Variants in CNTNAP2 observed in about 807,000 individuals in gnomAD.
The protein encoded by CNTNAP2 is contactin associated protein 2, also known as contactin-associated protein-like 2.
Under a neutral mutation model 155.2 loss-of-function variants are expected in CNTNAP2, and 98 were observed. That is an observed-to-expected ratio of 0.63 (90% CI 0.54 to 0.75). CNTNAP2 has a LOEUF of 0.75. CNTNAP2 is among the 30% of genes least tolerant of loss of function. The pLI is 0.00. For synonymous variants in CNTNAP2, 651 were observed against 631.2 expected (o/e 1.03, Z -0.47); for missense variants, 1,727 against 1,688.1 (o/e 1.02, Z -0.40).
intron 10 of CNTNAP2, among the ~76,000 whole-genome samples, chr7:147,436,207 C>G (rs1370610376): frequency 6.6e-6 from 1 of 152,128 alleles, no homozygotes; most frequent in African/African-American, 2.4e-5. Context: ...CTTCCTAAAG[C>G]AACATCACAT....
At chr7:148,301,885 G>A (rs1797397791) in intron 21 of CNTNAP2, among the ~76,000 whole-genome samples, 2 of 152,328 alleles carry the variant, frequency 1.3e-5, no homozygotes, top group South Asian at 4.2e-4. Flanking sequence ...GGAAGAGAGT[G>A]GATGGACGAG....
At chr7:147,405,786 A>G (rs1584929514) in intron 10 of CNTNAP2, among the ~76,000 whole-genome samples, 1 of 152,336 alleles carries the variant, frequency 6.6e-6, no homozygotes, top group East Asian at 1.9e-4. Context: ...ATAAAGCCCA[A>G]GGTGAACTCA....
intron 12 of CNTNAP2, among the ~76,000 whole-genome samples, chr7:147,629,339 GTTGCAGTGAGTTGAGA>G (rs969887900): frequency 6.6e-6 from 1 of 151,626 alleles, no homozygotes; most frequent in African/African-American, 2.4e-5. Context: ...AGAGGCAGAG[GTTGCAGTGAGTTGAGA>G]TTGCACCACT....
At chr7:147,281,605 ATAAAT>A (rs754167947) in intron 8 of CNTNAP2, among the ~76,000 whole-genome samples, 15 of 151,862 alleles carry the variant, frequency 9.9e-5, no homozygotes, top group African/African-American at 2.9e-4. Context: ...TTAGCTTTTG[ATAAAT>A]TAAATAATCC....
rs560893946 is a variant in CNTNAP2, at chr7:147,527,244, C to T, written c.1778-34894C>T. ...TTCACTGTGTTAGCCAGGATGGTCTCGATCTCCTGACCTTGTGATCCGCCC... is the reference window on the plus strand; with the variant it reads ...TTCACTGTGTTAGCCAGGATGGTCTTGATCTCCTGACCTTGTGATCCGCCC... On this transcript the variant is annotated intron_variant, in intron 11 of 23. Coordinates refer to ENST00000361727, the MANE Select transcript of CNTNAP2 (RefSeq NM_014141.6). Among the ~76,000 whole-genome samples, 107 of 151,956 alleles carry T rather than the reference C, an allele frequency of 7.0e-4. 1 individual carries two copies. The highest frequency in any genetic ancestry group is 2.2e-3 in the African/African-American group (92 of 41,432).
At chr7:147,866,318 TG>T (rs1184928585) in intron 13 of CNTNAP2, among the ~76,000 whole-genome samples, 1 of 152,212 alleles carries the variant, frequency 6.6e-6, no homozygotes, top group Admixed American at 6.5e-5. Flanking sequence ...TTCTATTTGC[TG>T]AGGAGTGTTT....
chr7:146,875,161 A>T (rs2129208019), intron 3 of CNTNAP2, among the ~76,000 whole-genome samples: 1 of 152,334 alleles, frequency 6.6e-6, no homozygotes, highest in East Asian at 1.9e-4. Flanking sequence ...GCAGAAAAGG[A>T]TGATTTAATG....
At position 148,131,087 on chromosome 7, in the gene CNTNAP2, CTTTTTTT is replaced by C. The variant is rs755587892; in HGVS notation, c.2554+12819_2554+12825del. On this transcript the variant is annotated intron_variant, in intron 16 of 23. Coordinates refer to ENST00000361727, the MANE Select transcript of CNTNAP2 (RefSeq NM_014141.6). ...ACGTTTTCTTTTCTCTTTTCTTCTT[CTTTTTTT>C]TTTTTTTTTTTTTTTTTTTGAGACA... is the stretch of plus-strand genomic sequence containing the variant. 1.1e-3 allele frequency among the ~76,000 whole-genome samples: 109 copies of C among 97,166 alleles called. No homozygotes were observed. The East Asian group carries it at 0.028, about 25-fold the overall frequency. The allele number at this position is 97,166 out of a possible 152,430, so 63.7% of individuals were successfully genotyped here.
intron 2 of CNTNAP2, among the ~76,000 whole-genome samples, chr7:146,837,130 C>A (rs911933080): frequency 6.6e-6 from 1 of 152,050 alleles, no homozygotes; most frequent in Non-Finnish European, 1.5e-5. Context: ...ACCATTATTT[C>A]TTCAAACATA....
At chr7:146,517,058 T>A (rs530117751) in intron 1 of CNTNAP2, among the ~76,000 whole-genome samples, 1 of 152,114 alleles carries the variant, frequency 6.6e-6, no homozygotes, top group African/African-American at 2.4e-5. Flanking sequence ...AAGTTTTAAA[T>A]CCTATGCTGC....
intron 1 of CNTNAP2, among the ~76,000 whole-genome samples, chr7:146,573,841 A>T (rs1022993955): frequency 6.6e-6 from 1 of 152,180 alleles, no homozygotes; most frequent in South Asian, 2.1e-4. Context: ...TCTTTTCTTC[A>T]TAGGGTTTTT....
intron 2 of CNTNAP2, among the ~76,000 whole-genome samples, chr7:146,817,339 G>A (rs11979251): frequency 0.082 from 12,458 of 151,898 alleles, 1,582 homozygotes; most frequent in African/African-American, 0.27. Context: ...CAGGTTGGTG[G>A]CACATGCCTG....
At chr7:148,028,456 C>T (rs577674809) in intron 15 of CNTNAP2, among the ~76,000 whole-genome samples, 1 of 152,120 alleles carries the variant, frequency 6.6e-6, no homozygotes, top group Non-Finnish European at 1.5e-5. Flanking sequence ...CTGATGACCC[C>T]CGGACAGCAA....
intron 1 of CNTNAP2, among the ~76,000 whole-genome samples, chr7:146,467,045 G>A (rs549536487): frequency 1.3e-5 from 2 of 152,002 alleles, no homozygotes; most frequent in Non-Finnish European, 2.9e-5. Flanking sequence ...ATCATTGGGG[G>A]ATTAATGGCT....
At chr7:148,270,230 C>T (rs962871023) in intron 21 of CNTNAP2, among the ~76,000 whole-genome samples, 3 of 152,198 alleles carry the variant, frequency 2.0e-5, no homozygotes, top group African/African-American at 7.2e-5. Context: ...TGACATCAAT[C>T]TGTGCAAAGC....
chr7:148,012,681 A>G (rs1802102165), intron 15 of CNTNAP2, among the ~76,000 whole-genome samples: 1 of 152,252 alleles, frequency 6.6e-6, no homozygotes, highest in Admixed American at 6.5e-5. Flanking sequence ...CACGCATAAT[A>G]AAAGTGTAAA....
chr7:148,215,010 G>A (rs191871919), intron 18 of CNTNAP2, among the ~76,000 whole-genome samples: 5 of 152,118 alleles, frequency 3.3e-5, no homozygotes, highest in South Asian at 2.1e-4. Flanking sequence ...AAAGTTTTGG[G>A]GGTAAGAGGA....
chr7:147,412,111 A>G (rs1196809279), intron 10 of CNTNAP2, among the ~76,000 whole-genome samples: 4 of 152,184 alleles, frequency 2.6e-5, no homozygotes, highest in Non-Finnish European at 5.9e-5. Flanking sequence ...AGAGGTATCT[A>G]GTTCTTATTC....
intron 13 of CNTNAP2, among the ~76,000 whole-genome samples, chr7:147,736,216 G>T (rs1398371260): frequency 1.3e-5 from 2 of 151,940 alleles, no homozygotes; most frequent in Non-Finnish European, 2.9e-5. Flanking sequence ...GGGCAGGCCT[G>T]GTGGTGACAA....
Sources: allele counts gnomAD v4.1 joint callset (sites outside exome capture counted in the v4.1 genomes callset), GRCh38; gene constraint gnomAD v4.1.1; transcripts MANE v1.5; gene names NCBI Gene and HGNC (gene_info 2026-07-23, HGNC 2026-07-21).